Variants in GALNTL6 observed in about 807,000 individuals in gnomAD.
The protein encoded by GALNTL6 is polypeptide N-acetylgalactosaminyltransferase-like 6.
GALNTL6 carries 46 observed loss-of-function variants against 73.7 expected under a neutral mutation model. The ratio of observed to expected loss-of-function variants is 0.62; its 90% confidence interval spans 0.49 to 0.80. The LOEUF (loss-of-function observed/expected upper bound fraction) is 0.80, where lower values mean the gene tolerates loss of function less well. GALNTL6 is among the 30% of genes least tolerant of loss of function. The pLI is 0.00. For missense variants in GALNTL6, 604 were observed against 755.0 expected (o/e 0.80, Z 2.34); for synonymous variants, 259 against 263.7 (o/e 0.98, Z 0.17).
At chr4:172,949,154 C>T (rs1208456575) in intron 9 of GALNTL6, among the ~76,000 whole-genome samples, 1 of 152,218 alleles carries the variant, frequency 6.6e-6, no homozygotes, top group African/African-American at 2.4e-5. Flanking sequence ...AATTTGTTCA[C>T]ATTCATTTCA....
intron 2 of GALNTL6, among the ~76,000 whole-genome samples, chr4:172,119,142 G>T (rs1470700207): frequency 1.3e-5 from 2 of 152,120 alleles, no homozygotes; most frequent in Non-Finnish European, 2.9e-5. Context: ...TAATGCTAGA[G>T]AAAATGTAAT....
At chr4:172,492,697 A>T (rs997345633) in intron 5 of GALNTL6, among the ~76,000 whole-genome samples, 5 of 152,174 alleles carry the variant, frequency 3.3e-5, no homozygotes, top group African/African-American at 1.2e-4. Context: ...CTGGCCTATG[A>T]TTCAGTTTCC....
chr4:172,988,351 T>C (rs1328849463), intron 10 of GALNTL6, among the ~76,000 whole-genome samples: 1 of 152,138 alleles, frequency 6.6e-6, no homozygotes, highest in African/African-American at 2.4e-5. Context: ...ATTTAGGGTA[T>C]CTGGCAAAAG....
chr4:172,018,564 A>G (rs192177125), intron 2 of GALNTL6, among the ~76,000 whole-genome samples: 1 of 152,162 alleles, frequency 6.6e-6, no homozygotes, highest in African/African-American at 2.4e-5. Flanking sequence ...TCAGTATCCT[A>G]TTAACAGCTC....
intron 3 of GALNTL6, among the ~76,000 whole-genome samples, chr4:172,300,730 G>A (rs557952716): frequency 6.6e-6 from 1 of 152,100 alleles, no homozygotes; most frequent in Admixed American, 6.5e-5. Flanking sequence ...AGTTTCTGCC[G>A]AGATATCAGC....
intron 2 of GALNTL6, among the ~76,000 whole-genome samples, chr4:171,887,970 G>A (rs1015462982): frequency 4.6e-5 from 7 of 152,082 alleles, no homozygotes. Context: ...TGGGGAAATA[G>A]ATCCACTAAT....
chr4:172,720,176 G>A (rs373637137), intron 5 of GALNTL6, among the ~76,000 whole-genome samples: 14 of 152,232 alleles, frequency 9.2e-5, no homozygotes, highest in Admixed American at 5.9e-4. Context: ...ATTTGTTACA[G>A]GGCTTTTCCT....
At chr4:172,690,731 T>C (rs1205935029) in intron 5 of GALNTL6, among the ~76,000 whole-genome samples, 1 of 152,208 alleles carries the variant, frequency 6.6e-6, no homozygotes, top group African/African-American at 2.4e-5. Context: ...GAAAATATTA[T>C]TTGCATATCT....
intron 2 of GALNTL6, among the ~76,000 whole-genome samples, chr4:171,941,910 A>T (rs539821927): frequency 6.6e-6 from 1 of 152,308 alleles, no homozygotes; most frequent in African/African-American, 2.4e-5. Context: ...AAAGAAGTTA[A>T]AAATAGAATT....
At chr4:172,081,587 G>A (rs1016512337) in intron 2 of GALNTL6, among the ~76,000 whole-genome samples, 1 of 152,174 alleles carries the variant, frequency 6.6e-6, no homozygotes, top group Non-Finnish European at 1.5e-5. Flanking sequence ...GCAGTGAGCC[G>A]AGATTGCACC....
chr4:172,298,650 T>A (rs1342860683), intron 3 of GALNTL6, among the ~76,000 whole-genome samples: 4 of 152,242 alleles, frequency 2.6e-5, no homozygotes, highest in Non-Finnish European at 4.4e-5. Context: ...ATTGGTTCTG[T>A]TTATATGCTG....
intron 3 of GALNTL6, among the ~76,000 whole-genome samples, chr4:172,230,120 A>T (rs1457250908): frequency 5.9e-5 from 9 of 152,130 alleles, no homozygotes; most frequent in African/African-American, 1.9e-4. Context: ...GCTGAAGTGT[A>T]TCTAACTGGC....
intron 5 of GALNTL6, among the ~76,000 whole-genome samples, chr4:172,478,344 A>G (rs1733316405): frequency 6.6e-6 from 1 of 152,206 alleles, no homozygotes; most frequent in South Asian, 2.1e-4. Context: ...AGTAGAGAAC[A>G]CCAAAATAAA....
chr4:172,812,784 T>C (rs1189490592), intron 6 of GALNTL6, among the ~76,000 whole-genome samples: 2 of 152,310 alleles, frequency 1.3e-5, no homozygotes, highest in East Asian at 1.9e-4. Flanking sequence ...CGTACATAAA[T>C]TGGGGATGAC....
intron 5 of GALNTL6, among the ~76,000 whole-genome samples, chr4:172,440,508 A>G (rs541811026): frequency 2.0e-5 from 3 of 152,268 alleles, no homozygotes; most frequent in African/African-American, 7.2e-5. Context: ...GGCAGAACAC[A>G]GAAGATTTTT....
chr4:172,000,193 G>T (rs1236822710), intron 2 of GALNTL6, among the ~76,000 whole-genome samples: 1 of 152,102 alleles, frequency 6.6e-6, no homozygotes, highest in Non-Finnish European at 1.5e-5. Flanking sequence ...TTTGTTAAAT[G>T]CTCAATGATT....
chr4:171,994,137 T>C (rs2110743589), intron 2 of GALNTL6, among the ~76,000 whole-genome samples: 1 of 152,204 alleles, frequency 6.6e-6, no homozygotes, highest in Non-Finnish European at 1.5e-5. Context: ...AGAAGTATGG[T>C]GATTGAAACT....
intron 9 of GALNTL6, among the ~76,000 whole-genome samples, chr4:172,942,399 C>G (rs1219464390): frequency 6.6e-6 from 1 of 152,190 alleles, no homozygotes; most frequent in African/African-American, 2.4e-5. Context: ...GGGAACCAAA[C>G]TCTTGATAAT....
At chr4:172,278,857 T>C (rs986824568) in intron 3 of GALNTL6, among the ~76,000 whole-genome samples, 2 of 152,128 alleles carry the variant, frequency 1.3e-5, no homozygotes, top group African/African-American at 4.8e-5. Flanking sequence ...AGCGTGGTAT[T>C]GGCATAAAAA....
Sources: allele counts gnomAD v4.1 joint callset (sites outside exome capture counted in the v4.1 genomes callset), GRCh38; gene constraint gnomAD v4.1.1; transcripts MANE v1.5; gene names NCBI Gene and HGNC (gene_info 2026-07-23, HGNC 2026-07-21).